AFG2A: variants seen among roughly 807,000 people sequenced by gnomAD.
AFG2A encodes AAA ATPase AFG2A.
the AFG2A span, chr4:122,934,450 A>G: frequency 3.7e-6 from 6 of 1,614,252 alleles, no homozygotes; most frequent in Non-Finnish European, 5.1e-6. Context: ...AGAGGAAGTC[A>G]CAGGTCTTAA....
At chr4:123,148,483 A>G in the AFG2A span, among the ~76,000 whole-genome samples, 14 of 152,170 alleles carry the variant, frequency 9.2e-5, no homozygotes, top group Non-Finnish European at 1.8e-4. Flanking sequence ...AATGGAGTTG[A>G]TCTGTAGCTA....
At chr4:123,175,231 A>C in the AFG2A span, among the ~76,000 whole-genome samples, 4 of 152,276 alleles carry the variant, frequency 2.6e-5, no homozygotes, top group African/African-American at 9.6e-5. Flanking sequence ...ATAGTGACAG[A>C]TTGGAAGAAG....
the AFG2A span, chr4:122,929,273 C>T: frequency 7.0e-7 from 1 of 1,426,872 alleles, no homozygotes. Flanking sequence ...ATGTAAACCA[C>T]ATATGTAATT....
the AFG2A span, among the ~76,000 whole-genome samples, chr4:123,025,466 C>T: frequency 1.3e-5 from 2 of 152,148 alleles, no homozygotes; most frequent in African/African-American, 4.8e-5. Context: ...CTCCGATTAA[C>T]ACATCAAGTA....
the AFG2A span, among the ~76,000 whole-genome samples, chr4:123,283,593 G>C: frequency 6.6e-6 from 1 of 152,176 alleles, no homozygotes; most frequent in African/African-American, 2.4e-5. Context: ...ACTACAGTTT[G>C]AGGATTAAAT....
chr4:123,102,853 T>G, the AFG2A span, among the ~76,000 whole-genome samples: 1 of 147,278 alleles, frequency 6.8e-6, no homozygotes, highest in Non-Finnish European at 1.5e-5. Flanking sequence ...CAAAAAAGTA[T>G]CTGAAGGGGC....
At chr4:123,036,353 C>A in the AFG2A span, among the ~76,000 whole-genome samples, 4 of 152,010 alleles carry the variant, frequency 2.6e-5, no homozygotes, top group Non-Finnish European at 5.9e-5. Flanking sequence ...TATCCTAACT[C>A]CAGGGAGAAA....
At chr4:122,944,720 T>C in the AFG2A span, among the ~76,000 whole-genome samples, 1 of 152,164 alleles carries the variant, frequency 6.6e-6, no homozygotes, top group Admixed American at 6.5e-5. Context: ...CTCTGCTTTT[T>C]AGAGTTTCCA....
At chr4:123,292,207 T>A in the AFG2A span, among the ~76,000 whole-genome samples, 1 of 152,194 alleles carries the variant, frequency 6.6e-6, no homozygotes, top group Non-Finnish European at 1.5e-5. Flanking sequence ...ATGTCTTCAT[T>A]TTTAGAAGTT....
At chr4:123,005,576 G>A in the AFG2A span, among the ~76,000 whole-genome samples, 1 of 152,188 alleles carries the variant, frequency 6.6e-6, no homozygotes, top group Non-Finnish European at 1.5e-5. Context: ...AAGGTGGGAT[G>A]TGTGGTTACT....
chr4:123,039,251 C>T, the AFG2A span, among the ~76,000 whole-genome samples: 1 of 152,018 alleles, frequency 6.6e-6, no homozygotes, highest in Non-Finnish European at 1.5e-5. Flanking sequence ...TTATTTTATG[C>T]CATATCCTTG....
the AFG2A span, among the ~76,000 whole-genome samples, chr4:123,016,972 A>T: frequency 6.6e-6 from 1 of 151,816 alleles, no homozygotes; most frequent in Non-Finnish European, 1.5e-5. Flanking sequence ...AAATACGAAA[A>T]CCAGTCAGGC....
chr4:123,070,549 C>T, the AFG2A span, among the ~76,000 whole-genome samples: 5 of 152,092 alleles, frequency 3.3e-5, no homozygotes, highest in East Asian at 1.9e-4. Context: ...TGTGTCCTCA[C>T]GTAGTGAAAG....
the AFG2A span, among the ~76,000 whole-genome samples, chr4:123,265,314 T>C: frequency 0.011 from 1,644 of 152,230 alleles, 36 homozygotes; most frequent in African/African-American, 0.038. Context: ...AGCCGACTTT[T>C]TCCTTAAACT....
the AFG2A span, among the ~76,000 whole-genome samples, chr4:123,297,174 C>A: frequency 6.6e-6 from 1 of 152,190 alleles, no homozygotes; most frequent in African/African-American, 2.4e-5. Flanking sequence ...TTCATTTAGA[C>A]TTCTTTCTTT....
At chr4:122,984,684 C>T in the AFG2A span, among the ~76,000 whole-genome samples, 192 of 152,238 alleles carry the variant, frequency 1.3e-3, 1 homozygote, top group South Asian at 9.7e-3. Flanking sequence ...TTGTTGAGTA[C>T]TTTTTCTGCA....
chr4:123,238,126 G>A, the AFG2A span, among the ~76,000 whole-genome samples: 1 of 152,174 alleles, frequency 6.6e-6, no homozygotes, highest in African/African-American at 2.4e-5. Flanking sequence ...GCAGGGGGAG[G>A]GGCATCCGCC....
the AFG2A span, among the ~76,000 whole-genome samples, chr4:123,269,737 G>T: frequency 6.7e-6 from 1 of 148,622 alleles, no homozygotes; most frequent in Non-Finnish European, 1.5e-5. Flanking sequence ...ACTGCTCCTT[G>T]TAATACATCC....
At chr4:122,927,829 T>C in the AFG2A span, 1 of 1,571,120 alleles carries the variant, frequency 6.4e-7, no homozygotes. Context: ...ATCTAAACTC[T>C]GAAATGCTTT....
Sources: gnomAD v4.1 joint callset for allele counts (sites outside exome capture counted in the v4.1 genomes callset) on GRCh38, gnomAD v4.1.1 for gene constraint, MANE v1.5 for transcripts, NCBI Gene and HGNC (gene_info 2026-07-23, HGNC 2026-07-21) for gene names.